Variants in CACNA1E observed in about 807,000 individuals in gnomAD.
CACNA1E encodes the protein calcium voltage-gated channel subunit alpha1 E.
CACNA1E carries 40 observed loss-of-function variants against 259.2 expected under a neutral mutation model. The observed-to-expected ratio is 0.15, with a 90% CI of 0.12 to 0.20. The LOEUF is 0.20. Ranked by LOEUF, CACNA1E falls within the 10% of genes least tolerant of loss-of-function variation. The pLI, the probability that CACNA1E is intolerant of heterozygous loss-of-function variation, is 1.00. For synonymous variants in CACNA1E, 1,104 were observed against 1,138.5 expected, an observed-to-expected ratio of 0.97 and a Z score of 0.61; for missense variants, 1,874 against 3,040.1, an observed-to-expected ratio of 0.62 and a Z score of 9.02.
chr1:181,336,374 A>G (rs1651708839), intron 1 of CACNA1E, among the ~76,000 whole-genome samples: 1 of 152,222 alleles, frequency 6.6e-6, no homozygotes, highest in Non-Finnish European at 1.5e-5. Flanking sequence ...AAACAACTCA[A>G]TGCAGTATAT....
At chr1:181,482,524 T>C (rs114107425), upstream of CACNA1E, among the ~76,000 whole-genome samples, 1,027 of 152,348 alleles carry the variant, frequency 6.7e-3, 10 homozygotes, top group African/African-American at 0.021. Flanking sequence ...AGCCTCACCT[T>C]CCAGGAACCT....
chr1:181,365,512 T>A (rs1654208524), intron 1 of CACNA1E, among the ~76,000 whole-genome samples: 1 of 152,170 alleles, frequency 6.6e-6, no homozygotes, highest in African/African-American at 2.4e-5. Flanking sequence ...CGGAGACAGT[T>A]GGGTAAATCT....
chr1:181,594,243 CT>C (rs1292699232), intron 6 of CACNA1E, among the ~76,000 whole-genome samples: 3 of 151,858 alleles, frequency 2.0e-5, no homozygotes, highest in Non-Finnish European at 4.4e-5. Context: ...GTTGAGTTTT[CT>C]TTTCCATTCT....
At chr1:181,737,284 C>T (rs559161148) in intron 22 of CACNA1E, among the ~76,000 whole-genome samples, 18 of 152,302 alleles carry the variant, frequency 1.2e-4, no homozygotes, top group Non-Finnish European at 2.5e-4. Context: ...ATGGCTCAGA[C>T]GTGTCTGTGG....
chr1:181,641,370 C>T (rs2102002016), intron 6 of CACNA1E, among the ~76,000 whole-genome samples: 1 of 152,334 alleles, frequency 6.6e-6, no homozygotes, highest in Middle Eastern at 3.4e-3. Flanking sequence ...TCAGGGTCCT[C>T]CATGATCTGA....
intron 7 of CACNA1E, among the ~76,000 whole-genome samples, chr1:181,699,930 C>T (rs1558280710): frequency 6.6e-6 from 1 of 152,088 alleles, no homozygotes; most frequent in Non-Finnish European, 1.5e-5. Flanking sequence ...TATTTGACAT[C>T]CAAGTAGCTG....
chr1:181,587,832 G>C (rs1348840253), intron 6 of CACNA1E, among the ~76,000 whole-genome samples: 4 of 152,196 alleles, frequency 2.6e-5, no homozygotes, highest in Admixed American at 1.3e-4. Flanking sequence ...GCAGTGAGCC[G>C]AGATAGCGCC....
At chr1:181,500,118 A>G (rs1344172505) in intron 1 of CACNA1E, among the ~76,000 whole-genome samples, 2 of 152,210 alleles carry the variant, frequency 1.3e-5, no homozygotes, top group Admixed American at 1.3e-4. Flanking sequence ...TGAGGAGGCC[A>G]TTTGAGGCTG....
chr1:181,508,087 G>GA (rs995061951), intron 1 of CACNA1E, among the ~76,000 whole-genome samples: 1 of 151,794 alleles, frequency 6.6e-6, no homozygotes, highest in Admixed American at 6.6e-5. Flanking sequence ...GAGATGCTCT[G>GA]AAAAAAAGAG....
At chr1:181,400,495 C>A (rs581541) in intron 1 of CACNA1E, among the ~76,000 whole-genome samples, 1 of 152,052 alleles carries the variant, frequency 6.6e-6, no homozygotes, top group Non-Finnish European at 1.5e-5. Flanking sequence ...ACCTCTCCCC[C>A]ACCACATCAG....
chr1:181,762,439 G>A (rs1214221691), intron 32 of CACNA1E, 135 bp from the exon 33 acceptor site: 1 of 632,576 alleles, frequency 1.6e-6, no homozygotes, highest in African/African-American at 1.9e-5. Flanking sequence ...TGAAGCCAAA[G>A]TAAGAGTGAA....
At chr1:181,772,998 G>A (rs1334761996) in intron 37 of CACNA1E, among the ~76,000 whole-genome samples, 1 of 152,196 alleles carries the variant, frequency 6.6e-6, no homozygotes, top group East Asian at 1.9e-4. Context: ...AAAAGGGCCA[G>A]TTTAGTGTTT....
At chr1:181,442,625 AG>A (rs1035208187) in intron 2 of CACNA1E, among the ~76,000 whole-genome samples, 1 of 152,180 alleles carries the variant, frequency 6.6e-6, no homozygotes, top group South Asian at 2.1e-4. Flanking sequence ...CCCAGATGGC[AG>A]GGTCTCAAAA....
intron 12 of CACNA1E, among the ~76,000 whole-genome samples, chr1:181,718,611 AACACACAC>A (rs60522141): frequency 0.11 from 13,806 of 124,226 alleles, 583 homozygotes; most frequent in African/African-American, 0.14. Flanking sequence ...CCCTCATTCA[AACACACAC>A]ACACACACAC....
chr1:181,737,839 A>G (rs1379182843), intron 23 of CACNA1E, among the ~76,000 whole-genome samples, 185 bp downstream of exon 23: 3 of 152,178 alleles, frequency 2.0e-5, no homozygotes, highest in Non-Finnish European at 2.9e-5. Context: ...TTAGCCCAAC[A>G]TACTACAAGG....
At chr1:181,642,990 AC>A (rs886285822) in intron 6 of CACNA1E, among the ~76,000 whole-genome samples, 3 of 151,914 alleles carry the variant, frequency 2.0e-5, no homozygotes, top group Admixed American at 2.0e-4. Flanking sequence ...ACTCATTTCT[AC>A]CCCCTCACTC....
intron 1 of CACNA1E, among the ~76,000 whole-genome samples, chr1:181,329,791 G>A (rs1342480869): frequency 6.6e-6 from 1 of 152,132 alleles, no homozygotes; most frequent in Non-Finnish European, 1.5e-5. Flanking sequence ...TGTATACTTA[G>A]TTACTTGTTA....
intron 6 of CACNA1E, among the ~76,000 whole-genome samples, chr1:181,633,137 G>T (rs745990442): frequency 7.2e-5 from 11 of 152,084 alleles, no homozygotes; most frequent in Non-Finnish European, 1.5e-4. Context: ...CAGAGGAAAG[G>T]CTGACTCGCA....
intron 3 of CACNA1E, among the ~76,000 whole-genome samples, chr1:181,530,512 G>A (rs1418414918): frequency 6.6e-6 from 1 of 152,168 alleles, no homozygotes; most frequent in Non-Finnish European, 1.5e-5. Flanking sequence ...AGCCCACCTA[G>A]ACCCAAATTA....
Sources: allele counts gnomAD v4.1 joint callset (sites outside exome capture counted in the v4.1 genomes callset), GRCh38; gene constraint gnomAD v4.1.1; transcripts MANE v1.5; gene names NCBI Gene and HGNC (gene_info 2026-07-23, HGNC 2026-07-21).